Variants in TACR1 observed in about 807,000 individuals in gnomAD.
The protein encoded by TACR1 is substance-P receptor.
In TACR1, 25 loss-of-function variants were observed where a neutral mutation model predicts 35.8. The ratio of observed to expected loss-of-function variants is 0.70; its 90% CI spans 0.51 to 0.98. The LOEUF is 0.98. Ranked by LOEUF, TACR1 falls within the 50% of genes least tolerant of loss-of-function variation. TACR1 has a pLI of 0.00. For missense variants in TACR1, 478 were observed against 522.9 expected (o/e 0.91, Z 0.84); for synonymous variants, 195 against 206.7 (o/e 0.94, Z 0.48).
chr2:75,144,812 G>A (rs1284978257), intron 1 of TACR1, among the ~76,000 whole-genome samples: 1 of 152,110 alleles, frequency 6.6e-6, no homozygotes, highest in African/African-American at 2.4e-5. Context: ...TTAACTGGAA[G>A]TGGTAGCAAT....
Position 75,198,925 on chromosome 2 carries a change from C to A in TACR1, c.10G>T (p.Val4Phe). The A allele has an allele frequency of 1.2e-6, 2 of 1,613,042 alleles. No homozygotes were observed. The highest frequency in any genetic ancestry group is 1.7e-6 in the Non-Finnish European group (2 of 1,179,832). Residue 4 changes from valine to phenylalanine, a missense_variant, in exon 1 of 5, where the codon GTC becomes TTC. Coordinates refer to ENST00000305249, the MANE Select transcript of TACR1 (RefSeq NM_001058.4). Reference sequence around the variant, plus strand: ...GAGAGGTCTGAGTCCACCGGGAGGACGTTATCCATTTCGAAGCTAGGCGGT... The same window carrying A: ...GAGAGGTCTGAGTCCACCGGGAGGAAGTTATCCATTTCGAAGCTAGGCGGT... MDN[V>F]LPVDSDLSPN...
intron 2 of TACR1, among the ~76,000 whole-genome samples, chr2:75,113,532 CTTTTTTT>C (rs11437762): frequency 1.4e-4 from 13 of 92,088 alleles, no homozygotes; most frequent in African/African-American, 1.8e-4. Flanking sequence ...TTTCTTCTTC[CTTTTTTT>C]TTTTTTTTTT....
chr2:75,079,005 A>T (rs888266641), intron 2 of TACR1, among the ~76,000 whole-genome samples: 12 of 152,144 alleles, frequency 7.9e-5, no homozygotes, highest in Non-Finnish European at 1.3e-4. Context: ...ACATCGAAAC[A>T]TCAAAATCCT....
chr2:75,117,301 A>C (rs931451193), intron 2 of TACR1, among the ~76,000 whole-genome samples: 2 of 152,240 alleles, frequency 1.3e-5, no homozygotes, highest in African/African-American at 4.8e-5. Flanking sequence ...TGAATGAATG[A>C]TCATGGTTGA....
chr2:75,149,378 G>A (rs2103962384), intron 1 of TACR1, among the ~76,000 whole-genome samples: 1 of 152,232 alleles, frequency 6.6e-6, no homozygotes, highest in South Asian at 2.1e-4. Flanking sequence ...CATGAGGATG[G>A]GATGTTTTTC....
intron 2 of TACR1, among the ~76,000 whole-genome samples, chr2:75,094,859 A>ATTTTTTTTTTTTTT (rs58283121): frequency 8.8e-6 from 1 of 113,130 alleles, no homozygotes; most frequent in African/African-American, 4.8e-5. Flanking sequence ...ATATATATAT[A>ATTTTTTTTTTTTTT]TTTTTTTTTT....
intron 2 of TACR1, among the ~76,000 whole-genome samples, chr2:75,085,935 A>T (rs1451903455): frequency 6.6e-6 from 1 of 152,198 alleles, no homozygotes; most frequent in Admixed American, 6.5e-5. Context: ...AAGCTATTGT[A>T]TGTGACACCG....
chr2:75,090,853 G>A (rs1388770537), intron 2 of TACR1: 2 of 153,810 alleles, frequency 1.3e-5, no homozygotes, highest in Admixed American at 1.3e-4. Flanking sequence ...AAGTGTTCCT[G>A]AGTAACTTGT....
chr2:75,151,641 A>C (rs1009737303), intron 1 of TACR1, among the ~76,000 whole-genome samples: 1 of 152,194 alleles, frequency 6.6e-6, no homozygotes, highest in African/African-American at 2.4e-5. Flanking sequence ...GGCAGTGTGG[A>C]AGGGAAATGT....
At chr2:75,123,756 G>A (rs1005277983) in intron 1 of TACR1, among the ~76,000 whole-genome samples, 2 of 151,764 alleles carry the variant, frequency 1.3e-5, no homozygotes, top group African/African-American at 4.8e-5. Context: ...CCTCATTTCT[G>A]GGGCTCGTTT....
intron 2 of TACR1, among the ~76,000 whole-genome samples, chr2:75,068,991 C>T (rs1476209553): frequency 6.6e-6 from 1 of 152,212 alleles, no homozygotes; most frequent in East Asian, 1.9e-4. Flanking sequence ...ATAATTCCCA[C>T]TTGTCATGGA....
intron 2 of TACR1, among the ~76,000 whole-genome samples, chr2:75,112,056 A>G (rs1021637650): frequency 2.0e-5 from 3 of 152,104 alleles, no homozygotes; most frequent in African/African-American, 7.2e-5. Context: ...AACTCATTCA[A>G]GTACAGAATC....
intron 1 of TACR1, among the ~76,000 whole-genome samples, chr2:75,178,151 C>A (rs1347042856): frequency 1.3e-5 from 2 of 152,012 alleles, no homozygotes; most frequent in Admixed American, 6.6e-5. Context: ...ATTCATTCAT[C>A]CCTCACTAGC....
chr2:75,099,149 G>A (rs1460982492), intron 2 of TACR1, among the ~76,000 whole-genome samples: 1 of 152,040 alleles, frequency 6.6e-6, no homozygotes, highest in Non-Finnish European at 1.5e-5. Flanking sequence ...CTGGCTCGGA[G>A]CCTCCCTCAC....
chr2:75,155,184 T>A (rs1674815349), intron 1 of TACR1, among the ~76,000 whole-genome samples: 1 of 152,166 alleles, frequency 6.6e-6, no homozygotes, highest in Non-Finnish European at 1.5e-5. Context: ...TCCTCAAGCC[T>A]TCCAGGACCC....
chr2:75,067,473 G>A (rs999434792), intron 2 of TACR1, among the ~76,000 whole-genome samples: 9 of 152,094 alleles, frequency 5.9e-5, no homozygotes, highest in African/African-American at 1.7e-4. Flanking sequence ...AGGATATAAT[G>A]GTGAATAGAA....
intron 2 of TACR1, among the ~76,000 whole-genome samples, chr2:75,069,039 G>A (rs1364406929): frequency 6.6e-6 from 1 of 152,150 alleles, no homozygotes; most frequent in African/African-American, 2.4e-5. Context: ...ATGGGGGTGA[G>A]TCTTTCCTGT....
Position 75,046,789 on chromosome 2 carries a change from AGAG to A in TACR1, c.*2640_*2642del, listed in dbSNP as rs1299892216. 8 of 152,252 alleles carry A rather than the reference AGAG, an allele frequency of 5.3e-5. No homozygotes were observed. The highest frequency in any genetic ancestry group is 1.0e-4 in the Non-Finnish European group (7 of 68,064). 9.4% of individuals were successfully genotyped at this position (152,252 alleles called of 1,614,324 possible). ...CCTCCCTGAGAAAGCATGAGGAGGA[AGAG>A]GAGGAAGAGATTCACACAATACAAA... is the stretch of plus-strand genomic sequence containing the variant. On this transcript the variant is annotated 3_prime_UTR_variant, in exon 5 of 5. Transcript: ENST00000305249.
chr2:75,111,103 A>T (rs773228698), intron 2 of TACR1, among the ~76,000 whole-genome samples: 1 of 151,884 alleles, frequency 6.6e-6, no homozygotes, highest in African/African-American at 2.4e-5. Flanking sequence ...AGTTTTTCTC[A>T]TATATTATAA....
Sources: allele counts gnomAD v4.1 joint callset (sites outside exome capture counted in the v4.1 genomes callset), GRCh38; gene constraint gnomAD v4.1.1; transcripts MANE v1.5; gene names NCBI Gene and HGNC (gene_info 2026-07-23, HGNC 2026-07-21).